Variants in OTUD7A observed in about 807,000 individuals in gnomAD.
The protein encoded by OTUD7A is OTU domain-containing protein 7A.
A neutral mutation model predicts 65.7 loss-of-function variants in OTUD7A; 12 were observed. That is an observed-to-expected ratio of 0.18 (90% CI 0.12 to 0.30). The LOEUF is 0.30. Ranked by LOEUF, OTUD7A falls within the 10% of genes least tolerant of loss-of-function variation. The pLI is 1.00. For missense variants in OTUD7A, 1,148 were observed against 1,304.8 expected, an observed-to-expected ratio of 0.88 and a Z score of 1.85; for synonymous variants, 641 against 586.3, an observed-to-expected ratio of 1.09 and a Z score of -1.35.
intron 1 of OTUD7A, among the ~76,000 whole-genome samples, chr15:31,815,689 C>T (rs2140966399): frequency 6.6e-6 from 1 of 152,326 alleles, no homozygotes; most frequent in South Asian, 2.1e-4. Flanking sequence ...CAGGATGGAG[C>T]CAGGCTGGGG....
Position 31,483,535 on chromosome 15 carries a change from T to C in OTUD7A, c.2561A>G (p.Lys854Arg). The change falls in exon 13 of 13, where the codon AAG becomes AGG. Residue 854 changes from lysine (K) to arginine (R), a missense_variant. Physicochemically the swap from Lys to Arg is conservative, Grantham distance 26. This residue lies in a region of OTUD7A where 842 missense variants were observed against 769.5 expected (regional missense o/e 1.09). Coordinates refer to ENST00000307050, the MANE Select transcript of OTUD7A (RefSeq NM_001382637.1). ...GAAGCCGTTGGTGTAGGTCTGCGAC[T>C]TGTGCTCGGCCGCCCCCGCCGTCCC... ...AAGTAGAAEH[K>R]SQTYTNGFGA... The C allele has an allele frequency of 1.5e-6, 2 of 1,372,762 alleles. No homozygotes were observed. Among genetic ancestry groups the C allele is most frequent in the Non-Finnish European group, 1.9e-6 (2 of 1,059,326 alleles). The allele number at this position is 1,372,762 out of a possible 1,614,324, so 85.0% of individuals were successfully genotyped here. A position where few individuals can be genotyped will look rare whatever the true frequency, so the allele number is the denominator to read the frequency against.
chr15:31,554,171 C>T (rs1239300974), intron 5 of OTUD7A, among the ~76,000 whole-genome samples: 3 of 152,170 alleles, frequency 2.0e-5, no homozygotes, highest in Admixed American at 2.0e-4. Context: ...CCCGGGATTC[C>T]CTCTCCTTCC....
At chr15:31,606,627 C>T (rs563407613) in intron 3 of OTUD7A, among the ~76,000 whole-genome samples, 42 of 152,312 alleles carry the variant, frequency 2.8e-4, no homozygotes, top group African/African-American at 7.9e-4. Flanking sequence ...TCTGTGTAAA[C>T]TGTAACACTA....
intron 1 of OTUD7A, among the ~76,000 whole-genome samples, chr15:31,672,937 T>C (rs1177536516): frequency 6.6e-6 from 1 of 152,194 alleles, no homozygotes; most frequent in African/African-American, 2.4e-5. Flanking sequence ...ATCAATGGCA[T>C]ATAGAATTCT....
chr15:31,732,799 T>C (rs1031417214), intron 1 of OTUD7A, among the ~76,000 whole-genome samples: 1 of 152,226 alleles, frequency 6.6e-6, no homozygotes, highest in Non-Finnish European at 1.5e-5. Context: ...TCCAAGTCCT[T>C]CTTCCAGGGC....
intron 1 of OTUD7A, among the ~76,000 whole-genome samples, chr15:31,714,485 G>C (rs1046080925): frequency 6.6e-6 from 1 of 152,112 alleles, no homozygotes; most frequent in Admixed American, 6.5e-5. Context: ...TAGTTTTTGA[G>C]CTGGGCAGTG....
chr15:31,663,062 T>C (rs1277563452), intron 1 of OTUD7A, among the ~76,000 whole-genome samples: 3 of 151,838 alleles, frequency 2.0e-5, no homozygotes, highest in African/African-American at 4.8e-5. Flanking sequence ...GTTAACTCTT[T>C]TTTTTTTTGA....
At chr15:31,510,414 C>G (rs997177299) in intron 8 of OTUD7A, among the ~76,000 whole-genome samples, 1 of 149,736 alleles carries the variant, frequency 6.7e-6, no homozygotes, top group African/African-American at 2.5e-5. Context: ...GAGCGACTGG[C>G]AGGAGTGGAG....
chr15:31,630,970 C>G (rs1314665642), intron 3 of OTUD7A, among the ~76,000 whole-genome samples: 2 of 152,136 alleles, frequency 1.3e-5, no homozygotes, highest in South Asian at 2.1e-4. Context: ...TTATTTTGAG[C>G]CTATGTGTGT....
intron 10 of OTUD7A, among the ~76,000 whole-genome samples, chr15:31,495,459 G>C (rs2041369818): frequency 6.6e-6 from 1 of 152,180 alleles, no homozygotes; most frequent in African/African-American, 2.4e-5. Context: ...AAAGATGACA[G>C]ACTTGAGAAA....
intron 1 of OTUD7A, among the ~76,000 whole-genome samples, chr15:31,741,881 G>C (rs549803735): frequency 6.6e-6 from 1 of 151,990 alleles, no homozygotes; most frequent in Non-Finnish European, 1.5e-5. Context: ...ACAGGACCAA[G>C]AAAATCAACC....
Position 31,843,323 on chromosome 15 carries a change from T to A in OTUD7A, c.-100+27184A>T, listed in dbSNP as rs528095041. 2.3e-4 allele frequency among the ~76,000 whole-genome samples: 35 copies of A among 149,784 alleles called. No individual in the cohort carries two copies. In the South Asian group the frequency reaches 6.6e-3, roughly 28 times the overall value. The stretch of plus-strand genomic sequence containing the variant: ...TAACTCAAGACAATTTTTAAAATAT[T>A]TTTTCTCCAAAAAAAAAAAAAAAAA... On this transcript the variant is annotated intron_variant, in intron 1 of 12. Coordinates refer to ENST00000307050, the MANE Select transcript of OTUD7A (RefSeq NM_001382637.1).
chr15:31,757,958 C>A (rs1350172140), intron 1 of OTUD7A, among the ~76,000 whole-genome samples: 1 of 152,166 alleles, frequency 6.6e-6, no homozygotes, highest in African/African-American at 2.4e-5. Flanking sequence ...CGGCCAGATT[C>A]TCACTTGAAC....
At chr15:31,561,359 T>C (rs759921763) in intron 4 of OTUD7A, among the ~76,000 whole-genome samples, 7 of 152,172 alleles carry the variant, frequency 4.6e-5, no homozygotes, top group Admixed American at 2.6e-4. Flanking sequence ...CTACCATTTT[T>C]GTATCTGGGA....
intron 1 of OTUD7A, 104 bp downstream of exon 1, chr15:31,870,403 C>G (rs1045127167): frequency 5.5e-5 from 8 of 146,744 alleles, no homozygotes; most frequent in East Asian, 4.0e-4. Flanking sequence ...CCACGGAGCT[C>G]GGGAAGGAGA....
intron 4 of OTUD7A, among the ~76,000 whole-genome samples, chr15:31,564,348 C>A (rs1286022204): frequency 6.9e-6 from 1 of 144,216 alleles, no homozygotes; most frequent in East Asian, 2.1e-4. Flanking sequence ...AGGAGATTCA[C>A]CATGCAAAAA....
Position 31,558,984 on chromosome 15 carries a change from C to T in OTUD7A, c.535G>A (p.Ala179Thr). The change falls in exon 5 of 13, where the codon GCT becomes ACT. Residue 179 changes from alanine (A) to threonine (T), a missense_variant. Coordinates refer to ENST00000307050, the MANE Select transcript of OTUD7A (RefSeq NM_001382637.1). ...RDLIEQATMVALEQAGRLNWW... is the reference protein window; with the variant it reads ...RDLIEQATMVTLEQAGRLNWW... ...GGCAACTCACCTGCCTGCTCCAAAG[C>T]CACCATTGTTGCCTGCTCGATCAAG... The T allele has an allele frequency of 6.2e-7, 1 of 1,614,224 alleles. No individual in the cohort carries two copies. Among genetic ancestry groups the T allele is most frequent in the Non-Finnish European group, 8.5e-7 (1 of 1,180,042 alleles).
At chr15:31,787,269 A>C (rs1469625765) in intron 1 of OTUD7A, among the ~76,000 whole-genome samples, 2 of 152,228 alleles carry the variant, frequency 1.3e-5, no homozygotes, top group Non-Finnish European at 2.9e-5. Context: ...TGCCTCACCA[A>C]GTAGGGCTAA....
intron 1 of OTUD7A, among the ~76,000 whole-genome samples, chr15:31,830,548 A>G (rs939514854): frequency 6.6e-6 from 1 of 152,246 alleles, no homozygotes; most frequent in African/African-American, 2.4e-5. Context: ...AAAATGGCCA[A>G]GGTCAACACT....
Sources: gnomAD v4.1 joint callset for allele counts (sites outside exome capture counted in the v4.1 genomes callset) on GRCh38, gnomAD v4.1.1 for gene constraint, gnomAD v4.1.1 regional missense constraint, MANE v1.5 for transcripts, NCBI Gene and HGNC (gene_info 2026-07-23, HGNC 2026-07-21) for gene names.